MACROD2: variants seen among roughly 807,000 people sequenced by gnomAD.
The protein encoded by MACROD2 is ADP-ribose glycohydrolase MACROD2.
MACROD2 carries 36 observed loss-of-function variants against 70.4 expected under a neutral mutation model. That is an observed-to-expected ratio of 0.51 (90% confidence interval 0.39 to 0.68). MACROD2 has a LOEUF of 0.68. Among genes scored for constraint, MACROD2 ranks in the 30% least tolerant of loss-of-function variants. The pLI is 0.00. For missense variants in MACROD2, 496 were observed against 538.4 expected, an observed-to-expected ratio of 0.92 and a Z score of 0.78; for synonymous variants, 172 against 178.8, an observed-to-expected ratio of 0.96 and a Z score of 0.30.
At chr20:14,356,815 A>G (rs2083177198) in intron 3 of MACROD2, among the ~76,000 whole-genome samples, 1 of 152,030 alleles carries the variant, frequency 6.6e-6, no homozygotes, top group African/African-American at 2.4e-5. Flanking sequence ...TGGAGGATCT[A>G]CTTTCAAGAG....
At chr20:15,687,245 T>C (rs2050239243) in intron 8 of MACROD2, among the ~76,000 whole-genome samples, 1 of 150,648 alleles carries the variant, frequency 6.6e-6, no homozygotes. Context: ...TAATAATACC[T>C]TTCTCAAAAG....
chr20:15,622,579 C>T (rs1013497557), intron 8 of MACROD2, among the ~76,000 whole-genome samples: 10 of 152,078 alleles, frequency 6.6e-5, no homozygotes, highest in African/African-American at 1.9e-4. Flanking sequence ...ATTCACATCT[C>T]GGGGAGCAGG....
At chr20:15,934,683 T>G (rs1185029810) in intron 11 of MACROD2, among the ~76,000 whole-genome samples, 1 of 148,168 alleles carries the variant, frequency 6.7e-6, no homozygotes, top group East Asian at 1.9e-4. Flanking sequence ...TTGTTTGTTT[T>G]TTGTTTTTTG....
chr20:14,591,142 G>A (rs1422353849), intron 4 of MACROD2, among the ~76,000 whole-genome samples: 1 of 152,064 alleles, frequency 6.6e-6, no homozygotes, highest in African/African-American at 2.4e-5. Flanking sequence ...TACATATAAT[G>A]TTAATAGTTT....
At position 15,363,384 on chromosome 20, in the gene MACROD2, T is replaced by C. The variant is rs563107315; in HGVS notation, c.541-68021T>C. Reference sequence around the variant, plus strand: ...GAAATAGTATAATCACGTAAACCTATGCATGGTGGAAAACAGACATTTAAA... The same window carrying C: ...GAAATAGTATAATCACGTAAACCTACGCATGGTGGAAAACAGACATTTAAA... On this transcript the variant is annotated intron_variant, in intron 6 of 17. Transcript: ENST00000684519. Among the ~76,000 whole-genome samples, 127 of 152,310 alleles carry C rather than the reference T, an allele frequency of 8.3e-4. 1 individual carries two copies. The highest frequency in any genetic ancestry group is 2.9e-3 in the African/African-American group (119 of 41,578).
At chr20:15,337,306 G>A (rs927585735) in intron 6 of MACROD2, among the ~76,000 whole-genome samples, 1 of 151,566 alleles carries the variant, frequency 6.6e-6, no homozygotes, top group African/African-American at 2.4e-5. Context: ...AAAGGTTAGT[G>A]GCTCCCAGAG....
chr20:14,060,561 C>A (rs4814277), intron 2 of MACROD2, among the ~76,000 whole-genome samples: 1 of 151,936 alleles, frequency 6.6e-6, no homozygotes, highest in Non-Finnish European at 1.5e-5. Flanking sequence ...ATAAGTAGTT[C>A]CAGAAGGCAT....
chr20:14,552,233 A>G (rs1978701116), intron 4 of MACROD2, among the ~76,000 whole-genome samples: 1 of 137,580 alleles, frequency 7.3e-6, no homozygotes, highest in Non-Finnish European at 1.5e-5. Flanking sequence ...CATTCATTTC[A>G]TTTAAATGAC....
Position 15,190,962 on chromosome 20 carries a change from T to C in MACROD2, c.419-38978T>C, listed in dbSNP as rs530551932. Among the ~76,000 whole-genome samples the C allele has an allele frequency of 2.0e-5, 3 of 152,316 alleles. No homozygotes were observed. In the East Asian group the frequency reaches 5.8e-4, roughly 29 times the overall value. On this transcript the variant is annotated intron_variant, in intron 5 of 17. Coordinates refer to ENST00000684519, the MANE Select transcript of MACROD2 (RefSeq NM_001351661.2). ...AGCATGCTCCCCAGGGCTCATTTGCTATCTCTAAGAACTGACTAACCCTGA... is the reference window on the plus strand; with the variant it reads ...AGCATGCTCCCCAGGGCTCATTTGCCATCTCTAAGAACTGACTAACCCTGA...
chr20:15,884,675 A>G (rs1018395438), intron 9 of MACROD2, among the ~76,000 whole-genome samples: 7 of 152,084 alleles, frequency 4.6e-5, no homozygotes, highest in African/African-American at 7.2e-5. Flanking sequence ...TTGTACTGCA[A>G]TAATGTGAGG....
At chr20:14,551,052 T>G (rs1978621043) in intron 4 of MACROD2, among the ~76,000 whole-genome samples, 1 of 152,184 alleles carries the variant, frequency 6.6e-6, no homozygotes, top group African/African-American at 2.4e-5. Flanking sequence ...TTTTTTCCTT[T>G]TTCAATGAAT....
intron 5 of MACROD2, among the ~76,000 whole-genome samples, chr20:15,203,696 A>T (rs2076677007): frequency 6.6e-6 from 1 of 152,134 alleles, no homozygotes; most frequent in Non-Finnish European, 1.5e-5. Context: ...TCCAAGGTCA[A>T]GTGCATTACA....
intron 4 of MACROD2, among the ~76,000 whole-genome samples, chr20:14,669,860 T>A (rs2070775431): frequency 6.6e-6 from 1 of 151,926 alleles, no homozygotes; most frequent in Non-Finnish European, 1.5e-5. Context: ...CGCCTATCAT[T>A]TCCTCTTTAC....
At chr20:14,950,464 A>G (rs573517615) in intron 5 of MACROD2, among the ~76,000 whole-genome samples, 224 of 152,280 alleles carry the variant, frequency 1.5e-3, no homozygotes, top group Admixed American at 5.4e-3. Flanking sequence ...CAGGACGTAA[A>G]CATAGGAATT....
At chr20:15,524,511 A>G (rs6079872) in intron 8 of MACROD2, among the ~76,000 whole-genome samples, 94 of 152,192 alleles carry the variant, frequency 6.2e-4, no homozygotes, top group Non-Finnish European at 1.1e-3. Context: ...TAACCCAAAC[A>G]TATCTATGGG....
chr20:14,803,046 A>G (rs2072597584), intron 5 of MACROD2, among the ~76,000 whole-genome samples: 1 of 152,064 alleles, frequency 6.6e-6, no homozygotes, highest in Non-Finnish European at 1.5e-5. Context: ...TTTGGGGCCC[A>G]CCAGTTCCCA....
chr20:15,184,449 A>G (rs2076521447), intron 5 of MACROD2, among the ~76,000 whole-genome samples: 1 of 152,188 alleles, frequency 6.6e-6, no homozygotes, highest in East Asian at 1.9e-4. Flanking sequence ...TGACCTGATA[A>G]AGGTTTATTT....
At chr20:14,184,990 A>G (rs889189105) in intron 3 of MACROD2, among the ~76,000 whole-genome samples, 1 of 152,044 alleles carries the variant, frequency 6.6e-6, no homozygotes, top group African/African-American at 2.4e-5. Context: ...TATTCATTGC[A>G]TTTCACTAGG....
At chr20:14,821,754 G>A (rs548752434) in intron 5 of MACROD2, among the ~76,000 whole-genome samples, 8 of 152,196 alleles carry the variant, frequency 5.3e-5, no homozygotes, top group African/African-American at 1.9e-4. Context: ...AGTTTAGGGA[G>A]AACACTCAAG....
Sources: allele counts gnomAD v4.1 joint callset (sites outside exome capture counted in the v4.1 genomes callset), GRCh38; gene constraint gnomAD v4.1.1; transcripts MANE v1.5; gene names NCBI Gene and HGNC (gene_info 2026-07-23, HGNC 2026-07-21).